PTBP3: variants seen among roughly 807,000 people sequenced by gnomAD.
PTBP3 encodes polypyrimidine tract-binding protein 3.
Under a neutral mutation model 58.7 loss-of-function variants are expected in PTBP3, and 20 were observed. The observed-to-expected ratio is 0.34, with a 90% CI of 0.24 to 0.50. The LOEUF (loss-of-function observed/expected upper bound fraction) is 0.50, where lower values mean the gene tolerates loss of function less well. Among genes scored for constraint, PTBP3 ranks in the 20% least tolerant of loss-of-function variants. The probability of loss-of-function intolerance (pLI) is 0.98; values close to 1 mark genes in which losing one functional copy is unlikely to be tolerated. For missense variants in PTBP3, 509 were observed against 637.2 expected, an observed-to-expected ratio of 0.80 and a Z score of 2.17; for synonymous variants, 185 against 219.8, an observed-to-expected ratio of 0.84 and a Z score of 1.40.
At chr9:112,234,945 T>C in intron 7 of PTBP3, 48 bp from the exon 8 acceptor site, 1 of 1,484,828 alleles carries the variant, frequency 6.7e-7, no homozygotes, top group Non-Finnish European at 9.3e-7. Flanking sequence ...TCTATAAATA[T>C]CGTTATCAAA....
chr9:112,308,563 G>A (rs1323316772), intron 1 of PTBP3, among the ~76,000 whole-genome samples: 3 of 151,866 alleles, frequency 2.0e-5, no homozygotes, highest in African/African-American at 7.3e-5. Flanking sequence ...CGGTTTAAGG[G>A]AAGAATGGAA....
chr9:112,273,735 G>GA (rs1320820750), intron 3 of PTBP3, among the ~76,000 whole-genome samples: 1 of 152,108 alleles, frequency 6.6e-6, no homozygotes, highest in Non-Finnish European at 1.5e-5. Context: ...GGAAGGCTGG[G>GA]AAAAAGAATC....
intron 7 of PTBP3, among the ~76,000 whole-genome samples, chr9:112,243,450 G>A (rs1307522838): frequency 6.6e-6 from 1 of 152,094 alleles, no homozygotes; most frequent in Non-Finnish European, 1.5e-5. Context: ...GCCGAGGCAT[G>A]AGAATTGCTT....
chr9:112,370,656 A>C, the PTBP3 span, among the ~76,000 whole-genome samples: 1 of 152,156 alleles, frequency 6.6e-6, no homozygotes, highest in Non-Finnish European at 1.5e-5. Context: ...TGGCTTTTCC[A>C]TTTCTATGAA....
At chr9:112,372,281 T>C in the PTBP3 span, among the ~76,000 whole-genome samples, 1 of 152,144 alleles carries the variant, frequency 6.6e-6, no homozygotes. Flanking sequence ...GGTCTCACTA[T>C]GTTGCCAGGC....
intron 7 of PTBP3, among the ~76,000 whole-genome samples, chr9:112,245,537 T>C (rs1835842836): frequency 1.3e-5 from 2 of 152,222 alleles, no homozygotes; most frequent in Admixed American, 6.5e-5. Context: ...CATATATTTA[T>C]GAAGCAAACA....
chr9:112,306,937 T>C (rs774616787), intron 1 of PTBP3, among the ~76,000 whole-genome samples: 1 of 152,168 alleles, frequency 6.6e-6, no homozygotes, highest in Non-Finnish European at 1.5e-5. Flanking sequence ...ATTCAAAATA[T>C]AAACTCTATT....
chr9:112,276,394 T>C (rs1311179278), intron 2 of PTBP3, among the ~76,000 whole-genome samples: 3 of 152,326 alleles, frequency 2.0e-5, no homozygotes, highest in East Asian at 3.9e-4. Context: ...ATTTAGTCTA[T>C]TGCTAAATAA....
At chr9:112,295,090 A>T (rs1828611184) in intron 2 of PTBP3, among the ~76,000 whole-genome samples, 1 of 152,046 alleles carries the variant, frequency 6.6e-6, no homozygotes, top group African/African-American at 2.4e-5. Context: ...AAATACAAAA[A>T]TTAGCCCGGC....
chr9:112,236,044 CTT>C (rs1835426375), intron 7 of PTBP3, among the ~76,000 whole-genome samples: 1 of 151,940 alleles, frequency 6.6e-6, no homozygotes, highest in African/African-American at 2.4e-5. Flanking sequence ...GGGGAGTTTG[CTT>C]TTTCAATGAT....
the PTBP3 span, among the ~76,000 whole-genome samples, chr9:112,349,302 A>G: frequency 6.6e-6 from 1 of 152,134 alleles, no homozygotes; most frequent in South Asian, 2.1e-4. Context: ...ACCACTCCTC[A>G]TATCTTGCCC....
intron 1 of PTBP3, among the ~76,000 whole-genome samples, chr9:112,305,813 G>A (rs1434239323): frequency 2.0e-5 from 3 of 152,216 alleles, no homozygotes; most frequent in East Asian, 3.9e-4. Flanking sequence ...GGTGACGGAC[G>A]CCTGTAGTTC....
chr9:112,336,205 C>T (rs1488672062), upstream of PTBP3, among the ~76,000 whole-genome samples: 1 of 152,034 alleles, frequency 6.6e-6, no homozygotes, highest in Non-Finnish European at 1.5e-5. Flanking sequence ...TAACCTTTTC[C>T]AAAACAGTGG....
At chr9:112,266,534 TG>T (rs763590865) in intron 4 of PTBP3, among the ~76,000 whole-genome samples, 10 of 152,134 alleles carry the variant, frequency 6.6e-5, no homozygotes, top group Non-Finnish European at 1.5e-4. Flanking sequence ...CAATATACAT[TG>T]TATTGGATTG....
chr9:112,248,957 T>C (rs1011172883), intron 7 of PTBP3, among the ~76,000 whole-genome samples: 1 of 152,236 alleles, frequency 6.6e-6, no homozygotes, highest in African/African-American at 2.4e-5. Context: ...CAGCCACATG[T>C]ATGAATATGG....
chr9:112,222,968 T>A lies in PTBP3; in HGVS notation c.*883A>T. 1 of 853,972 alleles carries A rather than the reference T, an allele frequency of 1.2e-6. No individual in the cohort carries two copies. The highest frequency in any genetic ancestry group is 1.4e-6 in the Non-Finnish European group (1 of 709,910). The allele number at this position is 853,972 out of a possible 1,614,324, so 52.9% of individuals were successfully genotyped here. A position where few individuals can be genotyped will look rare whatever the true frequency, so the allele number is the denominator to read the frequency against. On this transcript the variant is annotated 3_prime_UTR_variant, in exon 14 of 14. Coordinates refer to ENST00000374257, the MANE Select transcript of PTBP3 (RefSeq NM_001163788.4). ...TAGACCTGAATATTTTCCTTAAGAC[T>A]GTAAACTTTTTTTCTGAAAACAATT... is the stretch of plus-strand genomic sequence containing the variant.
intron 13 of PTBP3, 45 bp downstream of exon 13, chr9:112,224,088 C>T (rs1196866102): frequency 3.2e-6 from 5 of 1,548,082 alleles, no homozygotes; most frequent in Non-Finnish European, 4.4e-6. Context: ...AATTTGCATA[C>T]CATATTAAAT....
chr9:112,306,606 T>G (rs71495149), intron 1 of PTBP3, among the ~76,000 whole-genome samples: 3 of 144,602 alleles, frequency 2.1e-5, no homozygotes, highest in South Asian at 2.2e-4. Flanking sequence ...ATATATATAT[T>G]TTTGTTTGTT....
intron 7 of PTBP3, among the ~76,000 whole-genome samples, chr9:112,246,422 C>T (rs1052586727): frequency 4.6e-5 from 7 of 151,934 alleles, no homozygotes; most frequent in Middle Eastern, 3.2e-3. Context: ...AGGACAGGCG[C>T]GGTGGCTCAC....
Sources: allele counts gnomAD v4.1 joint callset (sites outside exome capture counted in the v4.1 genomes callset), GRCh38; gene constraint gnomAD v4.1.1; transcripts MANE v1.5; gene names NCBI Gene and HGNC (gene_info 2026-07-23, HGNC 2026-07-21).